GTF2F2: variants seen among roughly 807,000 people sequenced by gnomAD.
The protein encoded by GTF2F2 is general transcription factor IIF subunit 2.
A neutral mutation model predicts 42.2 loss-of-function variants in GTF2F2; 23 were observed. That is an observed-to-expected ratio of 0.55 (90% CI 0.39 to 0.77). The LOEUF is 0.77. GTF2F2 is among the 30% of genes least tolerant of loss of function. The pLI is 0.00. For missense variants in GTF2F2, 261 were observed against 287.2 expected (o/e 0.91, Z 0.66); for synonymous variants, 105 against 100.8 (o/e 1.04, Z -0.25).
intron 7 of GTF2F2, among the ~76,000 whole-genome samples, chr13:45,275,069 A>G (rs940178743): frequency 1.3e-5 from 2 of 152,056 alleles, no homozygotes; most frequent in African/African-American, 4.8e-5. Context: ...TCTCTCCCCT[A>G]CAGGGAACCA....
At chr13:45,229,924 T>C (rs963333263) in intron 5 of GTF2F2, among the ~76,000 whole-genome samples, 3 of 151,844 alleles carry the variant, frequency 2.0e-5, no homozygotes, top group South Asian at 2.1e-4. Context: ...TGCTTAAGTA[T>C]GGTAGGAGAG....
chr13:45,222,415 T>C (rs530983589), intron 5 of GTF2F2, among the ~76,000 whole-genome samples: 17 of 152,300 alleles, frequency 1.1e-4, no homozygotes, highest in Non-Finnish European at 2.2e-4. Flanking sequence ...TAAAATTGAA[T>C]TGACTTTTAT....
intron 5 of GTF2F2, among the ~76,000 whole-genome samples, chr13:45,241,411 C>T (rs78789808): frequency 0.012 from 1,814 of 152,150 alleles, 30 homozygotes; most frequent in African/African-American, 0.037. Flanking sequence ...TTGTGATTCT[C>T]TTCCACCATC....
intron 1 of GTF2F2, among the ~76,000 whole-genome samples, chr13:45,132,946 G>A (rs1869438729): frequency 1.3e-5 from 2 of 152,172 alleles, no homozygotes; most frequent in Admixed American, 1.3e-4. Flanking sequence ...CTCACTTGAT[G>A]TTTGTAACCA....
chr13:45,156,485 A>C (rs1297740873), intron 4 of GTF2F2, among the ~76,000 whole-genome samples: 2 of 152,256 alleles, frequency 1.3e-5, no homozygotes, highest in African/African-American at 4.8e-5. Context: ...AATTCATTAA[A>C]GCAAAAAACT....
rs1390690104 is a variant in GTF2F2, at chr13:45,265,073, A to G, written c.487-2160A>G. 2.6e-5 allele frequency among the ~76,000 whole-genome samples: 4 copies of G among 152,264 alleles called. No homozygotes were observed. In the East Asian group the frequency reaches 7.7e-4, roughly 29 times the overall value. ...TAGGAGTTCGAGACCAGCCTGGCCA[A>G]CATAGTGAAACCCTGTCTCTACTAA... On this transcript the variant is annotated intron_variant, in intron 6 of 7. Transcript: ENST00000340473.
intron 7 of GTF2F2, among the ~76,000 whole-genome samples, chr13:45,279,074 C>T (rs1394174322): frequency 6.6e-6 from 1 of 152,058 alleles, no homozygotes; most frequent in Non-Finnish European, 1.5e-5. Context: ...CCACCCGCCT[C>T]AGCCTCCCAA....
chr13:45,158,159 C>T (rs573567561), intron 4 of GTF2F2, among the ~76,000 whole-genome samples: 49 of 152,278 alleles, frequency 3.2e-4, no homozygotes, highest in Non-Finnish European at 5.0e-4. Context: ...CCATAATTCC[C>T]ACATGTTGTG....
At chr13:45,165,795 T>C (rs895687295) in intron 4 of GTF2F2, among the ~76,000 whole-genome samples, 2 of 148,624 alleles carry the variant, frequency 1.3e-5, no homozygotes, top group Admixed American at 6.7e-5. Flanking sequence ...CCTTAAATTC[T>C]TCAGTACATT....
chr13:45,257,296 T>C lies in GTF2F2; in HGVS notation c.486+4326T>C, dbSNP rs144064589. ...TGAAAACCATCTTCTTACTAGGATA[T>C]GACATGTCAGGTTTTTTTTCCCTAA... On this transcript the variant is annotated intron_variant, in intron 6 of 7. Coordinates refer to ENST00000340473, the MANE Select transcript of GTF2F2 (RefSeq NM_004128.3). Among the ~76,000 whole-genome samples the C allele has an allele frequency of 4.5e-3, 682 of 152,312 alleles. 2 individuals are homozygous for C. The highest frequency in any genetic ancestry group is 5.6e-3 in the Non-Finnish European group (384 of 68,022).
intron 4 of GTF2F2, among the ~76,000 whole-genome samples, chr13:45,161,431 A>T (rs1161395251): frequency 6.6e-6 from 1 of 152,130 alleles, no homozygotes; most frequent in Non-Finnish European, 1.5e-5. Flanking sequence ...TGAAGTGTTG[A>T]TCACTTTTTA....
chr13:45,208,655 G>A (rs956043702), intron 5 of GTF2F2, among the ~76,000 whole-genome samples: 1 of 152,148 alleles, frequency 6.6e-6, no homozygotes, highest in African/African-American at 2.4e-5. Context: ...TACATAAGAG[G>A]CCAGTTGAGC....
At chr13:45,154,809 T>C (rs1033363739) in intron 4 of GTF2F2, among the ~76,000 whole-genome samples, 1 of 152,236 alleles carries the variant, frequency 6.6e-6, no homozygotes, top group Non-Finnish European at 1.5e-5. Context: ...AAGTTTATTT[T>C]AAGGCAAGTG....
At chr13:45,129,232 A>G (rs1001266850) in intron 1 of GTF2F2, among the ~76,000 whole-genome samples, 8 of 152,146 alleles carry the variant, frequency 5.3e-5, no homozygotes, top group African/African-American at 7.2e-5. Context: ...TATTTATGAC[A>G]GAGTCTTACA....
At chr13:45,178,399 T>C (rs1026482147) in intron 4 of GTF2F2, among the ~76,000 whole-genome samples, 1 of 151,722 alleles carries the variant, frequency 6.6e-6, no homozygotes, top group Non-Finnish European at 1.5e-5. Flanking sequence ...TGTGACAATT[T>C]TCCCTGTAGG....
At chr13:45,155,467 G>C (rs1348580662) in intron 4 of GTF2F2, among the ~76,000 whole-genome samples, 2 of 152,178 alleles carry the variant, frequency 1.3e-5, no homozygotes, top group Non-Finnish European at 2.9e-5. Context: ...CTTTACTCCT[G>C]TTAATGTGAT....
intron 4 of GTF2F2, chr13:45,194,445 T>C (rs765274069): frequency 6.2e-7 from 1 of 1,614,180 alleles, no homozygotes; most frequent in East Asian, 2.2e-5. Flanking sequence ...TGTATAAATA[T>C]CCACCAACGT....
intron 4 of GTF2F2, among the ~76,000 whole-genome samples, chr13:45,182,410 TCTTA>T (rs1180072201): frequency 6.6e-6 from 1 of 152,088 alleles, no homozygotes; most frequent in Non-Finnish European, 1.5e-5. Context: ...TTCCCAATGT[TCTTA>T]CTTCACTCCT....
At chr13:45,179,494 T>C (rs944400012) in intron 4 of GTF2F2, among the ~76,000 whole-genome samples, 2 of 152,244 alleles carry the variant, frequency 1.3e-5, no homozygotes, top group African/African-American at 2.4e-5. Flanking sequence ...CAGGAGCTTT[T>C]AAAATTTCCT....
Sources: gnomAD v4.1 joint callset for allele counts (sites outside exome capture counted in the v4.1 genomes callset) on GRCh38, gnomAD v4.1.1 for gene constraint, MANE v1.5 for transcripts, NCBI Gene and HGNC (gene_info 2026-07-23, HGNC 2026-07-21) for gene names.